Variants in LIMS1 observed in about 807,000 individuals in gnomAD.
The protein encoded by LIMS1 is LIM zinc finger domain containing 1.
LIMS1 carries 18 observed loss-of-function variants against 44.1 expected under a neutral mutation model. That is an observed-to-expected ratio of 0.41 (90% CI 0.28 to 0.61). LIMS1 has a LOEUF of 0.61. Among genes scored for constraint, LIMS1 ranks in the 20% least tolerant of loss-of-function variants. The pLI, the probability that LIMS1 is intolerant of heterozygous loss-of-function variation, is 0.32. For missense variants in LIMS1, 201 were observed against 422.0 expected (o/e 0.48, Z 4.59); for synonymous variants, 93 against 149.1 (o/e 0.62, Z 2.74).
intron 1 of LIMS1, among the ~76,000 whole-genome samples, chr2:108,608,833 A>T (rs761489985): frequency 2.6e-5 from 4 of 152,164 alleles, no homozygotes; most frequent in Admixed American, 6.5e-5. Context: ...AGAAATAGGG[A>T]TACCGCTCAT....
rs189494745 is a variant in LIMS1 at position 108,557,277 on chromosome 2, A to G, written c.32+22683A>G. Among the ~76,000 whole-genome samples the G allele has an allele frequency of 4.8e-3, 733 of 152,126 alleles. 28 individuals are homozygous for G. Among genetic ancestry groups the G allele is most frequent in the Admixed American group, 0.045 (683 of 15,284 alleles). ...TTTTTTGTAGAGACGGTGTCTCTCT[A>G]TGTTGCCCAGACTGGTCTTGAACTC... On this transcript the variant is annotated intron_variant, in intron 1 of 9. Coordinates refer to ENST00000544547, the Ensembl canonical transcript of LIMS1.
At chr2:108,669,672 C>T (rs1359711934) in intron 2 of LIMS1, among the ~76,000 whole-genome samples, 1 of 151,622 alleles carries the variant, frequency 6.6e-6, no homozygotes, top group African/African-American at 2.4e-5. Context: ...ATTACTATAA[C>T]ATTTCTCACA....
At chr2:108,582,214 C>T (rs1348434322) in intron 1 of LIMS1, among the ~76,000 whole-genome samples, 1 of 152,144 alleles carries the variant, frequency 6.6e-6, no homozygotes, top group East Asian at 1.9e-4. Context: ...GGTCTGTCGT[C>T]CTCAGCAGAT....
chr2:108,537,192 A>C (rs1684172812), intron 1 of LIMS1, among the ~76,000 whole-genome samples: 1 of 152,214 alleles, frequency 6.6e-6, no homozygotes, highest in African/African-American at 2.4e-5. Context: ...GTGACTTCTT[A>C]GGAATATCTT....
At chr2:108,593,592 C>G (rs1181059778) in intron 1 of LIMS1, among the ~76,000 whole-genome samples, 1 of 152,164 alleles carries the variant, frequency 6.6e-6, no homozygotes, top group Non-Finnish European at 1.5e-5. Flanking sequence ...CAATTAGCAC[C>G]TGTATAATAC....
At chr2:108,612,051 CACAT>C (rs1352389942) in intron 1 of LIMS1, among the ~76,000 whole-genome samples, 2,393 of 95,276 alleles carry the variant, frequency 0.025, 103 homozygotes, top group African/African-American at 0.099. Context: ...CACACACACA[CACAT>C]ATATATATAT....
chr2:108,538,836 A>G (rs1281569036), intron 1 of LIMS1, among the ~76,000 whole-genome samples: 1 of 152,212 alleles, frequency 6.6e-6, no homozygotes. Context: ...CATCTTCCCA[A>G]ACTGAAACTC....
At chr2:108,680,077 TAGAC>T (rs1314512199) in intron 8 of LIMS1, among the ~76,000 whole-genome samples, 8 of 151,168 alleles carry the variant, frequency 5.3e-5, no homozygotes, top group Admixed American at 4.6e-4. Flanking sequence ...ATACAAAAAT[TAGAC>T]AGGTATAGGC....
At chr2:108,662,778 T>C in intron 2 of LIMS1, 1 of 898,874 alleles carries the variant, frequency 1.1e-6, no homozygotes. Flanking sequence ...AGTCTTTGTA[T>C]AATAAATGCA....
At chr2:108,654,929 A>C in intron 1 of LIMS1, 1 of 1,517,862 alleles carries the variant, frequency 6.6e-7, no homozygotes, top group African/African-American at 1.4e-5. Flanking sequence ...ATGAAGCAGC[A>C]GTAGTGACCC....
chr2:108,610,447 C>A (rs57325285), intron 1 of LIMS1, among the ~76,000 whole-genome samples: 1 of 152,002 alleles, frequency 6.6e-6, no homozygotes, highest in Admixed American at 6.5e-5. Flanking sequence ...TTTTTCTTTT[C>A]TTTTCTTTCT....
rs1256011542 is a variant in LIMS1 at position 108,679,537 on chromosome 2, A to G, written c.824-1158A>G. Among the ~76,000 whole-genome samples, 3 of 152,188 alleles carry G rather than the reference A, an allele frequency of 2.0e-5. 1 individual carries two copies. The highest frequency in any genetic ancestry group is 2.0e-4 in the Admixed American group (3 of 15,268). ...TGTACATAGGTTATATGCATTTTAT[A>G]TCAGGGACTTGAGCGTCTGAGATTT... is the stretch of plus-strand genomic sequence containing the variant. On this transcript the variant is annotated intron_variant, in intron 8 of 9. Coordinates refer to ENST00000544547, the Ensembl canonical transcript of LIMS1.
intron 1 of LIMS1, among the ~76,000 whole-genome samples, chr2:108,596,731 GA>G (rs1686713019): frequency 6.6e-6 from 1 of 152,186 alleles, no homozygotes; most frequent in Non-Finnish European, 1.5e-5. Flanking sequence ...GCTGAAGCAG[GA>G]GAATCGCTTG....
chr2:108,600,447 C>CAT (rs1686945858), intron 1 of LIMS1, among the ~76,000 whole-genome samples: 1 of 152,154 alleles, frequency 6.6e-6, no homozygotes, highest in Non-Finnish European at 1.5e-5. Context: ...TTTGCCCAGA[C>CAT]CAATATCTTT....
intron 1 of LIMS1, among the ~76,000 whole-genome samples, chr2:108,649,333 T>TG (rs1690296151): frequency 6.6e-6 from 1 of 152,202 alleles, no homozygotes; most frequent in Non-Finnish European, 1.5e-5. Flanking sequence ...CAACAGATGC[T>TG]GGAGTGGATG....
rs759827869 is a variant in LIMS1, at chr2:108,583,700, C to CTTTT, written c.32+49117_32+49120dup. Among the ~76,000 whole-genome samples the CTTTT allele has an allele frequency of 3.9e-5, 5 of 129,858 alleles. 1 individual carries two copies. The highest frequency in any genetic ancestry group is 4.8e-5 in the Non-Finnish European group (3 of 62,574). The allele number at this position is 129,858 out of a possible 152,430, so 85.2% of individuals were successfully genotyped here. On this transcript the variant is annotated intron_variant, in intron 1 of 9. Coordinates refer to ENST00000544547, the Ensembl canonical transcript of LIMS1. ...TCCTGTTATTTTGTTGTTGCTGTTT[C>CTTTT]TTTTTTTTTTTTTTGAGATGGAGTC... is the stretch of plus-strand genomic sequence containing the variant.
rs1209563471 is a variant in LIMS1 at position 108,551,947 on chromosome 2, G to A, written c.32+17353G>A. 7.3e-3 allele frequency among the ~76,000 whole-genome samples: 698 copies of A among 95,502 alleles called. 7 individuals are homozygous for A. In the East Asian group the frequency reaches 0.15, roughly 20 times the overall value. 62.7% of individuals were successfully genotyped at this position (95,502 alleles called of 152,430 possible). Reference sequence around the variant, plus strand: ...TGTATATATGTGTGTGTGTGTGTGTGTGTGTGTATATATATATATATATAT... The same window carrying A: ...TGTATATATGTGTGTGTGTGTGTGTATGTGTGTATATATATATATATATAT... On this transcript the variant is annotated intron_variant, in intron 1 of 9. Coordinates refer to ENST00000544547, the Ensembl canonical transcript of LIMS1.
rs545817769 is a variant in LIMS1 at position 108,679,682 on chromosome 2, C to T, written c.824-1013C>T. Among the ~76,000 whole-genome samples, 65 of 151,934 alleles carry T rather than the reference C, an allele frequency of 4.3e-4. 2 individuals carry two copies. The South Asian group carries it at 5.8e-3, about 14-fold the overall frequency. On this transcript the variant is annotated intron_variant, in intron 8 of 9. Coordinates refer to ENST00000544547, the Ensembl canonical transcript of LIMS1. ...CTGTAATCCCAGCACTTAAGGAGGC[C>T]GAGACAGGAGAATTTCTTGAGGCCA...
chr2:108,656,229 G>T (rs1490164406), intron 1 of LIMS1, among the ~76,000 whole-genome samples: 1 of 150,748 alleles, frequency 6.6e-6, no homozygotes, highest in Non-Finnish European at 1.5e-5. Context: ...GATATCAGTT[G>T]TGCTGTGTGA....
Sources: gnomAD v4.1 joint callset for allele counts (sites outside exome capture counted in the v4.1 genomes callset) on GRCh38, gnomAD v4.1.1 for gene constraint, MANE v1.5 for transcripts, NCBI Gene and HGNC (gene_info 2026-07-23, HGNC 2026-07-21) for gene names.